The following MDN1 variants were observed in gnomAD, a reference collection of about 807,000 sequenced individuals.
MDN1 encodes midasin.
MDN1 carries 266 observed loss-of-function variants against 669.2 expected under a neutral mutation model. The ratio of observed to expected loss-of-function variants is 0.40; its 90% CI spans 0.36 to 0.44. The LOEUF is 0.44. Ranked by LOEUF, MDN1 falls within the 20% of genes least tolerant of loss-of-function variation. MDN1 has a pLI of 1.00. For synonymous variants in MDN1, 2,385 were observed against 2,457.1 expected, an observed-to-expected ratio of 0.97 and a Z score of 0.87; for missense variants, 5,940 against 6,754.0, an observed-to-expected ratio of 0.88 and a Z score of 4.22.
intron 85 of MDN1, among the ~76,000 whole-genome samples, chr6:89,663,831 A>C (rs1809985342): frequency 6.6e-6 from 1 of 151,878 alleles, no homozygotes; most frequent in Admixed American, 6.6e-5. Flanking sequence ...AGTCCCAGCT[A>C]CTCAGGATGC....
chr6:89,787,237 T>C (rs984192824), intron 8 of MDN1, among the ~76,000 whole-genome samples: 3 of 152,176 alleles, frequency 2.0e-5, no homozygotes, highest in African/African-American at 7.2e-5. Context: ...TTTAAAGACA[T>C]TGAAGAAGCT....
intron 44 of MDN1, 38 bp from the exon 45 acceptor site, chr6:89,715,807 T>C (rs1430229645): frequency 2.2e-6 from 3 of 1,338,070 alleles, no homozygotes; most frequent in African/African-American, 1.4e-5. Context: ...TAGGCTGACA[T>C]GCTGCATTGA....
At position 89,733,755 on chromosome 6, in the gene MDN1, T is replaced by C. The variant is rs1026291891; in HGVS notation, c.4724-980A>G. ...TAGATAGTAAATACTAGTACTTAGA[T>C]CTACACTTCAGAGAAGAATAAATTC... On this transcript the variant is annotated intron_variant, in intron 33 of 101. Transcript: ENST00000369393. Among the ~76,000 whole-genome samples the C allele has an allele frequency of 2.6e-5, 4 of 151,690 alleles. No individual in the cohort carries two copies. The East Asian group carries it at 7.7e-4, about 29-fold the overall frequency.
rs371429865 is a variant in MDN1, at chr6:89,676,248, G to A, written c.12540-41C>T. ...ACATTGTTTACTTAATTAAAACCACGCTCTCCCACCCCAGATCCTGAAAAC... is the reference window on the plus strand; with the variant it reads ...ACATTGTTTACTTAATTAAAACCACACTCTCCCACCCCAGATCCTGAAAAC... On this transcript the variant is annotated intron_variant, in intron 76 of 101. Coordinates refer to ENST00000369393, the MANE Select transcript of MDN1 (RefSeq NM_014611.3). The A allele has an allele frequency of 3.0e-5, 47 of 1,551,150 alleles. No homozygotes were observed. In the Middle Eastern group the frequency reaches 5.0e-4, roughly 17 times the overall value.
rs1446241716 is a variant in MDN1, at chr6:89,716,734, C to A, written c.6659G>T (p.Gly2220Val). 1 of 1,613,934 alleles carries A rather than the reference C, an allele frequency of 6.2e-7. No homozygotes were observed. The highest frequency in any genetic ancestry group is 8.5e-7 in the Non-Finnish European group (1 of 1,179,942). Reference protein sequence around the residue: ...LTQLASGHSHGTFEWVDSMLV... With the variant: ...LTQLASGHSHVTFEWVDSMLV... ...CATGCTGTCAACCCATTCAAATGTG[C>A]CATGGCTATGGCCACTGGCCAACTG... Residue 2220 changes from glycine (G) to valine (V), a missense_variant, in exon 44 of 102, where the codon GGC (glycine) becomes GTC (valine). Coordinates refer to ENST00000369393, the MANE Select transcript of MDN1 (RefSeq NM_014611.3).
Position 89,727,877 on chromosome 6 carries a change from A to C in MDN1, c.5428T>G (p.Leu1810Val), listed in dbSNP as rs781337215. 22 of 1,613,946 alleles carry C rather than the reference A, an allele frequency of 1.4e-5. No individual in the cohort carries two copies. The East Asian group carries it at 4.5e-4, about 33-fold the overall frequency. Residue 1810 changes from leucine to valine, a missense_variant, in exon 37 of 102, where the codon TTA (leucine) becomes GTA (valine). Coordinates refer to ENST00000369393, the MANE Select transcript of MDN1 (RefSeq NM_014611.3). The stretch of plus-strand genomic sequence containing the variant: ...TGGCCTGCCTTCAAAGCTGCCAGTA[A>C]GGGGCCATCACGCCAGGCAAACTCT... ...GGEFAWRDGPLLAALKAGHWV... is the reference protein window; with the variant it reads ...GGEFAWRDGPVLAALKAGHWV...
At chr6:89,729,877 G>A (rs750887067) in intron 35 of MDN1, among the ~76,000 whole-genome samples, 1 of 152,038 alleles carries the variant, frequency 6.6e-6, no homozygotes, top group Non-Finnish European at 1.5e-5. Context: ...GCCCATCAGG[G>A]ATGAAGAGAG....
chr6:89,726,282 G>A (rs9351214), intron 37 of MDN1, among the ~76,000 whole-genome samples: 54,918 of 151,392 alleles, frequency 0.36, 10,551 homozygotes, highest in East Asian at 0.68. Flanking sequence ...CCAACATAGC[G>A]AAACCTTGTC....
intron 15 of MDN1, among the ~76,000 whole-genome samples, chr6:89,768,758 T>TTAAA (rs1486226290): frequency 6.6e-6 from 1 of 151,586 alleles, no homozygotes; most frequent in African/African-American, 2.4e-5. Context: ...AGAGTTAAAA[T>TTAAA]TAAATAAATA....
chr6:89,658,310 T>C lies in MDN1; in HGVS notation c.15082A>G (p.Lys5028Glu), dbSNP rs376074987. The C allele has an allele frequency of 2.5e-6, 4 of 1,614,010 alleles. No individual in the cohort carries two copies. Among genetic ancestry groups the C allele is most frequent in the Non-Finnish European group, 3.4e-6 (4 of 1,180,000 alleles). The change falls in exon 90 of 102, where the codon AAG becomes GAG. Residue 5028 changes from lysine to glutamate, a missense_variant. By Grantham distance (56) the Lys-to-Glu change is moderately conservative (BLOSUM62 1). Coordinates refer to ENST00000369393, the MANE Select transcript of MDN1 (RefSeq NM_014611.3). ...EEQVPEALER[K>E]EHASCGQTGV... ...GTCTGCCCACAGGAGGCATGCTCCTTCCTCTCCAAAGCCTCTGGCACCTGC... is the reference window on the plus strand; with the variant it reads ...GTCTGCCCACAGGAGGCATGCTCCTCCCTCTCCAAAGCCTCTGGCACCTGC...
In MDN1 at chr6:89,675,700, T is replaced by A. The variant is rs1584155199; in HGVS notation, c.12646-121A>T. 5.4e-6 allele frequency: 4 copies of A among 735,160 alleles called. No homozygotes were observed. The East Asian group carries it at 1.1e-4, about 19-fold the overall frequency. The allele number at this position is 735,160 out of a possible 1,614,324, so 45.5% of individuals were successfully genotyped here. A position where few individuals can be genotyped will look rare whatever the true frequency, so the allele number is the denominator to read the frequency against. ...ATGCCACACTCTAGAGGTGACATATTCATTTTTTTGAGCAGTGTTTCTCCA... is the reference window on the plus strand; with the variant it reads ...ATGCCACACTCTAGAGGTGACATATACATTTTTTTGAGCAGTGTTTCTCCA... On this transcript the variant is annotated intron_variant, in intron 77 of 101. Transcript: ENST00000369393.
At chr6:89,815,198 G>A in intron 1 of MDN1, 1 of 384,520 alleles carries the variant, frequency 2.6e-6, no homozygotes, top group African/African-American at 2.1e-5. Flanking sequence ...CTCTACGGCA[G>A]TGGAGGCGGG....
intron 92 of MDN1, among the ~76,000 whole-genome samples, chr6:89,655,277 G>A (rs1324742648): frequency 2.0e-5 from 3 of 151,078 alleles, no homozygotes; most frequent in Non-Finnish European, 4.4e-5. Flanking sequence ...CTCATGCTGA[G>A]ACATTTTTCC....
chr6:89,762,302 C>T lies in MDN1; in HGVS notation c.2356+17G>A, dbSNP rs773225902. ...GCCCCATGCCCTCCCCCATGGCAGC[C>T]TGGGTCACATCCTTACCAGTTTCAC... On this transcript the variant is annotated intron_variant, in intron 16 of 101. Transcript: ENST00000369393. 4 of 1,603,886 alleles carry T rather than the reference C, an allele frequency of 2.5e-6. No homozygotes were observed. The highest frequency in any genetic ancestry group is 3.4e-6 in the Non-Finnish European group (4 of 1,172,650).
In MDN1 at chr6:89,698,845, A is replaced by G. The variant is rs116642178; in HGVS notation, c.9168+20T>C. 4.3e-4 allele frequency: 700 copies of G among 1,610,606 alleles called. 3 individuals carry two copies. In the African/African-American group the frequency reaches 8.6e-3, roughly 20 times the overall value. On this transcript the variant is annotated intron_variant, in intron 59 of 101. Coordinates refer to ENST00000369393, the MANE Select transcript of MDN1 (RefSeq NM_014611.3). ...CTTTTGCCACTATCAAACATTTTTTATAATTTTAGACCAACAAACCTTCAA... is the reference window on the plus strand; with the variant it reads ...CTTTTGCCACTATCAAACATTTTTTGTAATTTTAGACCAACAAACCTTCAA...
chr6:89,813,897 A>C (rs1355340350), intron 1 of MDN1, among the ~76,000 whole-genome samples: 1 of 151,346 alleles, frequency 6.6e-6, no homozygotes, highest in African/African-American at 2.4e-5. Flanking sequence ...TAGGCAACAC[A>C]GCAAGACCTT....
At chr6:89,796,645 G>C (rs1017912259) in intron 2 of MDN1, among the ~76,000 whole-genome samples, 1 of 152,200 alleles carries the variant, frequency 6.6e-6, no homozygotes, top group Non-Finnish European at 1.5e-5. Context: ...CGAGGCTATG[G>C]ATGTGTGGGT....
In MDN1 at chr6:89,692,888, T is replaced by G; in HGVS notation, c.10142A>C (p.Gln3381Pro). 6.2e-7 allele frequency: 1 copy of G among 1,614,202 alleles called. No individual in the cohort carries two copies. Among genetic ancestry groups the G allele is most frequent in the Non-Finnish European group, 8.5e-7 (1 of 1,180,038 alleles). Reference sequence around the variant, plus strand: ...CTCCTCTGACAGCCGCTTCCGGAACTGGTGGTGTGACTGCTGCCAAGAGGC... The same window carrying G: ...CTCCTCTGACAGCCGCTTCCGGAACGGGTGGTGTGACTGCTGCCAAGAGGC... ...EEASWQQSHHQFRKRLSEEYT... is the reference protein window; with the variant it reads ...EEASWQQSHHPFRKRLSEEYT... The change falls in exon 63 of 102, where the codon CAG (glutamine) becomes CCG (proline). Residue 3381 changes from glutamine to proline, a missense_variant. This residue lies in a region of MDN1 where 150 missense variants were observed against 234.2 expected (regional missense o/e 0.64). Coordinates refer to ENST00000369393, the MANE Select transcript of MDN1 (RefSeq NM_014611.3).
chr6:89,752,173 A>G (rs1178139751), intron 22 of MDN1, among the ~76,000 whole-genome samples: 1 of 152,218 alleles, frequency 6.6e-6, no homozygotes, highest in African/African-American at 2.4e-5. Flanking sequence ...GTACTCTTCT[A>G]GAGCATTTGG....
Sources: gnomAD v4.1 joint callset for allele counts (sites outside exome capture counted in the v4.1 genomes callset) on GRCh38, gnomAD v4.1.1 for gene constraint, gnomAD v4.1.1 regional missense constraint, MANE v1.5 for transcripts, NCBI Gene and HGNC (gene_info 2026-07-23, HGNC 2026-07-21) for gene names.